The following GRM7 variants were observed in gnomAD, a reference collection of about 807,000 sequenced individuals.
The protein encoded by GRM7 is metabotropic glutamate receptor 7.
GRM7 carries 35 observed loss-of-function variants against 84.5 expected under a neutral mutation model. The ratio of observed to expected loss-of-function variants is 0.41; its 90% CI spans 0.32 to 0.55. The LOEUF is 0.55. GRM7 is among the 20% of genes least tolerant of loss of function. The pLI, the probability that GRM7 is intolerant of heterozygous loss-of-function variation, is 0.19. For missense variants in GRM7, 1,003 were observed against 1,194.6 expected, an observed-to-expected ratio of 0.84 and a Z score of 2.36; for synonymous variants, 487 against 455.1, an observed-to-expected ratio of 1.07 and a Z score of -0.89.
intron 4 of GRM7, among the ~76,000 whole-genome samples, chr3:7,307,822 G>A (rs1700246080): frequency 6.6e-6 from 1 of 152,178 alleles, no homozygotes; most frequent in South Asian, 2.1e-4. Context: ...GCCTTGCTCA[G>A]TGCTAGGAGT....
At chr3:7,640,409 A>G (rs75524180) in intron 8 of GRM7, among the ~76,000 whole-genome samples, 13 of 152,356 alleles carry the variant, frequency 8.5e-5, no homozygotes, top group African/African-American at 3.1e-4. Flanking sequence ...GTGTGATGAA[A>G]TTCTGCATTT....
At chr3:7,536,409 A>G (rs564090875) in intron 7 of GRM7, among the ~76,000 whole-genome samples, 1 of 152,142 alleles carries the variant, frequency 6.6e-6, no homozygotes, top group Admixed American at 6.5e-5. Flanking sequence ...AATGACTCCT[A>G]TTTCTCATTA....
At chr3:7,675,278 T>TG in intron 8 of GRM7, among the ~76,000 whole-genome samples, 1 of 152,326 alleles carries the variant, frequency 6.6e-6, no homozygotes, top group South Asian at 2.1e-4. Context: ...ATATTCTGGT[T>TG]TTCAAAGTTG....
At chr3:7,539,148 T>A (rs1414192130) in intron 7 of GRM7, among the ~76,000 whole-genome samples, 1 of 152,172 alleles carries the variant, frequency 6.6e-6, no homozygotes, top group Non-Finnish European at 1.5e-5. Context: ...TGAGGTGATT[T>A]ATCGTACCCA....
intron 4 of GRM7, among the ~76,000 whole-genome samples, chr3:7,361,143 T>C (rs764178465): frequency 6.6e-6 from 1 of 152,180 alleles, no homozygotes; most frequent in Non-Finnish European, 1.5e-5. Context: ...TATTCGTTGA[T>C]TTATTGTCTG....
At chr3:7,218,298 A>T (rs893003429) in intron 2 of GRM7, among the ~76,000 whole-genome samples, 10 of 152,248 alleles carry the variant, frequency 6.6e-5, no homozygotes, top group African/African-American at 2.2e-4. Context: ...ATTTTTCAGA[A>T]CTGAAAACCT....
At chr3:7,529,203 A>G (rs1265031162) in intron 7 of GRM7, among the ~76,000 whole-genome samples, 2 of 152,146 alleles carry the variant, frequency 1.3e-5, no homozygotes, top group African/African-American at 4.8e-5. Context: ...ATTGTCTAGA[A>G]TAGTGCCAAG....
At chr3:7,250,293 T>G (rs1279745127) in intron 2 of GRM7, among the ~76,000 whole-genome samples, 2 of 152,142 alleles carry the variant, frequency 1.3e-5, no homozygotes, top group Non-Finnish European at 2.9e-5. Context: ...TAATAATCAT[T>G]ATTGGGAGCC....
intron 1 of GRM7, among the ~76,000 whole-genome samples, chr3:7,083,750 A>G (rs1698348337): frequency 6.6e-6 from 1 of 152,176 alleles, no homozygotes; most frequent in South Asian, 2.1e-4. Flanking sequence ...AGAAATAAAT[A>G]GCACATACAT....
chr3:6,922,398 A>G (rs1051419541), intron 1 of GRM7, among the ~76,000 whole-genome samples: 3 of 152,196 alleles, frequency 2.0e-5, no homozygotes, highest in African/African-American at 7.2e-5. Flanking sequence ...CAATTGATTA[A>G]AATGGCCTAG....
intron 2 of GRM7, among the ~76,000 whole-genome samples, chr3:7,205,518 T>C (rs1267314775): frequency 6.6e-6 from 1 of 152,232 alleles, no homozygotes; most frequent in African/African-American, 2.4e-5. Flanking sequence ...GGCTGTGCCA[T>C]TTTTGTTTAA....
In GRM7 at chr3:7,146,588, A is replaced by G. The variant is rs1485134660; in HGVS notation, c.656A>G (p.Asn219Ser). The change falls in exon 2 of 10, where the codon AAT (asparagine) becomes AGT (serine). Residue 219 changes from asparagine to serine, a missense_variant. Around this residue, in one of 2 missense-constraint regions of GRM7, gnomAD observed 910 missense variants for 1,126.0 expected, o/e 0.81. Transcript: ENST00000357716. Reference protein sequence around the residue: ...MVDIVKALGWNYVSTLASEGS... With the variant: ...MVDIVKALGWSYVSTLASEGS... ...GACATTGTAAAGGCCCTAGGCTGGA[A>G]TTATGTGTCTACCCTCGCATCGGAA... The G allele has an allele frequency of 6.2e-7, 1 of 1,613,882 alleles. No homozygotes were observed. The highest frequency in any genetic ancestry group is 8.5e-7 in the Non-Finnish European group (1 of 1,179,960).
At chr3:7,402,861 T>C (rs1695510477) in intron 4 of GRM7, among the ~76,000 whole-genome samples, 1 of 151,914 alleles carries the variant, frequency 6.6e-6, no homozygotes, top group South Asian at 2.1e-4. Flanking sequence ...ATGAAAAGTC[T>C]TTCCTTCAAA....
At chr3:7,452,472 G>T (rs902806553) in intron 5 of GRM7, 135 bp from the exon 6 acceptor site, 3 of 666,616 alleles carry the variant, frequency 4.5e-6, no homozygotes. Flanking sequence ...AATGTGGCTT[G>T]AATTACTGTA....
Position 7,212,851 on chromosome 3 carries a change from G to A in GRM7, c.736+66183G>A, listed in dbSNP as rs182616907. Among the ~76,000 whole-genome samples, 428 of 152,264 alleles carry A rather than the reference G, an allele frequency of 2.8e-3. 1 individual carries two copies. The highest frequency in any genetic ancestry group is 4.9e-3 in the Non-Finnish European group (331 of 68,030). ...ATCCTCATCACCTGTCAGGCATTGAGAAGACACTGCATGCTGAGTTTCCAC... is the reference window on the plus strand; with the variant it reads ...ATCCTCATCACCTGTCAGGCATTGAAAAGACACTGCATGCTGAGTTTCCAC... On this transcript the variant is annotated intron_variant, in intron 2 of 9. Coordinates refer to ENST00000357716, the MANE Select transcript of GRM7 (RefSeq NM_000844.4).
chr3:7,408,694 CA>C (rs1454708491), intron 4 of GRM7, among the ~76,000 whole-genome samples: 1 of 152,208 alleles, frequency 6.6e-6, no homozygotes, highest in Non-Finnish European at 1.5e-5. Context: ...TAACACTGCG[CA>C]AATGCTAGCG....
At chr3:7,139,259 A>G (rs1461575039) in intron 1 of GRM7, among the ~76,000 whole-genome samples, 1 of 151,652 alleles carries the variant, frequency 6.6e-6, no homozygotes, top group Non-Finnish European at 1.5e-5. Flanking sequence ...ACGGTACTGA[A>G]CACCTCAAAG....
intron 1 of GRM7, among the ~76,000 whole-genome samples, chr3:6,995,966 G>A (rs1221461719): frequency 1.3e-5 from 2 of 152,130 alleles, no homozygotes; most frequent in Non-Finnish European, 1.5e-5. Flanking sequence ...GTTTAGTACT[G>A]TTGCATAGGT....
chr3:7,501,698 T>A (rs1699888668), intron 7 of GRM7, among the ~76,000 whole-genome samples: 1 of 152,232 alleles, frequency 6.6e-6, no homozygotes, highest in Non-Finnish European at 1.5e-5. Flanking sequence ...TCCTATAGGT[T>A]GTTCATAACC....
Sources: allele counts gnomAD v4.1 joint callset (sites outside exome capture counted in the v4.1 genomes callset), GRCh38; gene constraint gnomAD v4.1.1; regional missense constraint gnomAD v4.1.1; transcripts MANE v1.5; gene names NCBI Gene and HGNC (gene_info 2026-07-23, HGNC 2026-07-21).